Variants in NUDT9 observed in about 807,000 individuals in gnomAD.
NUDT9 encodes the protein nudix hydrolase 9, also known as ADP-ribose pyrophosphatase.
A neutral mutation model predicts 41.0 loss-of-function variants in NUDT9; 31 were observed. The observed-to-expected ratio is 0.76, with a 90% CI of 0.57 to 1.02. The LOEUF is 1.02. Among genes scored for constraint, NUDT9 ranks in the 50% least tolerant of loss-of-function variants. The probability of loss-of-function intolerance (pLI) is 0.00; values close to 1 mark genes in which losing one functional copy is unlikely to be tolerated. For missense variants in NUDT9, 380 were observed against 431.4 expected (o/e 0.88, Z 1.06); for synonymous variants, 146 against 147.6 (o/e 0.99, Z 0.08).
intron 4 of NUDT9, among the ~76,000 whole-genome samples, chr4:87,443,920 G>A (rs553906485): frequency 8.9e-4 from 135 of 152,232 alleles, no homozygotes; most frequent in African/African-American, 2.8e-3. Flanking sequence ...CGGGGGAGAG[G>A]CATTCTCTTC....
chr4:87,445,085 C>T (rs1722386424), intron 4 of NUDT9, among the ~76,000 whole-genome samples: 1 of 152,126 alleles, frequency 6.6e-6, no homozygotes, highest in African/African-American at 2.4e-5. Context: ...CTATTCCAGG[C>T]ATCCTGTCAG....
rs888807893 is a variant in NUDT9, at chr4:87,426,725, T to TA, written c.107+3724dup. Among the ~76,000 whole-genome samples the TA allele has an allele frequency of 8.0e-4, 115 of 143,716 alleles. 1 individual carries two copies. In the South Asian group the frequency reaches 9.7e-3, roughly 12 times the overall value. 94.3% of individuals were successfully genotyped at this position (143,716 alleles called of 152,430 possible). On this transcript the variant is annotated intron_variant, in intron 1 of 7. Transcript: ENST00000302174. ...CGCCTGGCCTTAATGTTCTTATTTA[T>TA]AAAAAAAAAAATTGAAAAAGGATAA...
intron 2 of NUDT9, among the ~76,000 whole-genome samples, chr4:87,437,190 C>G (rs915326531): frequency 1.5e-5 from 2 of 132,458 alleles, no homozygotes; most frequent in Non-Finnish European, 3.1e-5. Flanking sequence ...TTAGAGGTTG[C>G]AGTGAACCAA....
In NUDT9 at chr4:87,422,784, C is replaced by A; in HGVS notation, c.-122C>A. 2 of 663,962 alleles carry A rather than the reference C, an allele frequency of 3.0e-6. No individual in the cohort carries two copies. The highest frequency in any genetic ancestry group is 2.6e-6 in the Non-Finnish European group (1 of 386,058). The allele number at this position is 663,962 out of a possible 1,614,324, so 41.1% of individuals were successfully genotyped here. On this transcript the variant is annotated 5_prime_UTR_variant, in exon 1 of 8. Transcript: ENST00000302174. The stretch of plus-strand genomic sequence containing the variant: ...CAGCTACTCCCGTTCGGGAACCCAA[C>A]GGCAGACAGGTCCTAGTGCCCATCA...
intron 1 of NUDT9, 72 bp from the exon 2 acceptor site, chr4:87,434,909 G>A (rs1294514372): frequency 4.4e-6 from 6 of 1,377,460 alleles, no homozygotes; most frequent in Non-Finnish European, 6.0e-6. Flanking sequence ...GTAAGCCACT[G>A]CACCCGGCCT....
At chr4:87,442,144 A>T (rs1481222700) in intron 4 of NUDT9, among the ~76,000 whole-genome samples, 1 of 152,242 alleles carries the variant, frequency 6.6e-6, no homozygotes, top group African/African-American at 2.4e-5. Flanking sequence ...GTATATTTAC[A>T]TAAAACTAGA....
In NUDT9 at chr4:87,458,040, G is replaced by T. The variant is rs376221523; in HGVS notation, c.*19G>T. The T allele has an allele frequency of 5.3e-6, 8 of 1,504,260 alleles. No individual in the cohort carries two copies. The highest frequency in any genetic ancestry group is 6.2e-6 in the Non-Finnish European group (7 of 1,134,276). 93.2% of individuals were successfully genotyped at this position (1,504,260 alleles called of 1,614,324 possible). A position where few individuals can be genotyped will look rare whatever the true frequency, so the allele number is the denominator to read the frequency against. ...GTTGTAGCTGATGGTCTCCGTGTAA[G>T]CCAAAGGCCCACAGAGGAGCATATA... On this transcript the variant is annotated 3_prime_UTR_variant, in exon 8 of 8. Coordinates refer to ENST00000302174, the MANE Select transcript of NUDT9 (RefSeq NM_024047.5).
chr4:87,443,661 A>C (rs966466104), intron 4 of NUDT9, among the ~76,000 whole-genome samples: 4 of 152,210 alleles, frequency 2.6e-5, no homozygotes, highest in Non-Finnish European at 5.9e-5. Flanking sequence ...TAGTGCACCC[A>C]AGAAAGGCTT....
intron 1 of NUDT9, 61 bp downstream of exon 1, chr4:87,423,073 A>C: frequency 7.6e-7 from 1 of 1,318,234 alleles, no homozygotes; most frequent in Non-Finnish European, 1.1e-6. Flanking sequence ...GGTGGGAAGC[A>C]GCTTTTTTTT....
At position 87,439,165 on chromosome 4, in the gene NUDT9, CA is replaced by C. The variant is rs10631832; in HGVS notation, c.443+804del. On this transcript the variant is annotated intron_variant, in intron 3 of 7. Coordinates refer to ENST00000302174, the MANE Select transcript of NUDT9 (RefSeq NM_024047.5). ...TGGGCGACAGAGCGAGACTCCATCT[CA>C]AAAAAAAAAATAGACATACCCAAGA... Among the ~76,000 whole-genome samples the C allele has an allele frequency of 1.2e-3, 171 of 145,232 alleles. 2 individuals carry two copies. The highest frequency in any genetic ancestry group is 4.0e-4 in the East Asian group (2 of 4,956).
Position 87,443,722 on chromosome 4 carries a change from C to A in NUDT9, c.530+1807C>A, listed in dbSNP as rs61556224. ...ACTTGAACCTTGGGTAGGGAGACAG[C>A]AGGAAGCCTAAGAAAAGGGTTTGTA... On this transcript the variant is annotated intron_variant, in intron 4 of 7. Coordinates refer to ENST00000302174, the MANE Select transcript of NUDT9 (RefSeq NM_024047.5). 3.8e-3 allele frequency among the ~76,000 whole-genome samples: 580 copies of A among 152,232 alleles called. 2 individuals are homozygous for A. Among genetic ancestry groups the A allele is most frequent in the African/African-American group, 0.013 (554 of 41,524 alleles).
intron 3 of NUDT9, among the ~76,000 whole-genome samples, chr4:87,439,070 GGGA>G (rs1183098757): frequency 6.6e-6 from 1 of 152,044 alleles, no homozygotes; most frequent in Non-Finnish European, 1.5e-5. Flanking sequence ...GGGAGGCTGA[GGGA>G]GGAGAATTGC....
chr4:87,455,953 C>T (rs1290481488), intron 7 of NUDT9, among the ~76,000 whole-genome samples: 2 of 152,106 alleles, frequency 1.3e-5, no homozygotes, highest in Non-Finnish European at 2.9e-5. Context: ...TGAGCCACTG[C>T]GCCTGGCTGT....
chr4:87,448,203 G>A (rs1272741627), intron 4 of NUDT9, among the ~76,000 whole-genome samples: 1 of 138,540 alleles, frequency 7.2e-6, no homozygotes, highest in East Asian at 2.2e-4. Context: ...GGAGTGTAAT[G>A]GCACGATCTT....
Position 87,435,184 on chromosome 4 carries a change from TC to T in NUDT9, c.312del (p.Leu105TrpfsTer71). 6.2e-7 allele frequency: 1 copy of T among 1,614,068 alleles called. No individual in the cohort carries two copies. The highest frequency in any genetic ancestry group is 8.5e-7 in the Non-Finnish European group (1 of 1,179,930). On this transcript the variant is annotated frameshift_variant, in exon 2 of 8. Coordinates refer to ENST00000302174, the MANE Select transcript of NUDT9 (RefSeq NM_024047.5). LOFTEE classifies it high-confidence loss of function. ...YKPVEYTAVS[V>X]LAGPRWADPQ... ...CCTGTGGAATACACTGCAGTCTCTG[TC>T]TTGGCTGGACCCAGGTGGGCAGATC...
At chr4:87,431,590 G>A (rs1721690819) in intron 1 of NUDT9, among the ~76,000 whole-genome samples, 1 of 152,134 alleles carries the variant, frequency 6.6e-6, no homozygotes, top group Non-Finnish European at 1.5e-5. Context: ...TTTAGCAATA[G>A]TTTGTAGTGT....
intron 4 of NUDT9, among the ~76,000 whole-genome samples, chr4:87,445,935 T>C (rs977176223): frequency 1.8e-4 from 27 of 146,964 alleles, no homozygotes; most frequent in East Asian, 1.4e-3. Flanking sequence ...ATCTCTCTCT[T>C]TTTTTTTTTT....
At chr4:87,448,265 C>T (rs1051579197) in intron 4 of NUDT9, among the ~76,000 whole-genome samples, 6 of 150,452 alleles carry the variant, frequency 4.0e-5, no homozygotes, top group Admixed American at 2.7e-4. Context: ...CTGCCTCAGC[C>T]TCCTGAGTAG....
intron 2 of NUDT9, 115 bp from the exon 3 acceptor site, chr4:87,438,156 AACCCTT>A: frequency 2.1e-6 from 1 of 482,438 alleles, no homozygotes; most frequent in Non-Finnish European, 3.6e-6. Context: ...AAAAAAAACT[AACCCTT>A]AAAAATTTAT....
Sources: gnomAD v4.1 joint callset for allele counts (sites outside exome capture counted in the v4.1 genomes callset) on GRCh38, gnomAD v4.1.1 for gene constraint, MANE v1.5 for transcripts, NCBI Gene and HGNC (gene_info 2026-07-23, HGNC 2026-07-21) for gene names.